The following PDZD9 variants were observed in gnomAD, a reference collection of about 807,000 sequenced individuals.
The protein encoded by PDZD9 is PDZ domain-containing protein 9.
A neutral mutation model predicts 16.3 loss-of-function variants in PDZD9; 13 were observed. The observed-to-expected ratio is 0.80, with a 90% CI of 0.52 to 1.27. The LOEUF is 1.27. Ranked by LOEUF, PDZD9 falls within the 50% of genes most tolerant of loss-of-function variation. The pLI is 0.00. For synonymous variants in PDZD9, 120 were observed against 111.0 expected, an observed-to-expected ratio of 1.08 and a Z score of -0.51; for missense variants, 288 against 310.9, an observed-to-expected ratio of 0.93 and a Z score of 0.55.
At chr16:21,976,921 T>C in the PDZD9 span, 1 of 152,260 alleles carries the variant, frequency 6.6e-6, no homozygotes, top group African/African-American at 2.4e-5. Flanking sequence ...GTGCATTTTC[T>C]GCAGTTATAA....
In PDZD9 at chr16:21,984,152, G is replaced by T; in HGVS notation, c.*115C>A. On this transcript the variant is annotated 3_prime_UTR_variant, in exon 4 of 4. Transcript: ENST00000424898. The stretch of plus-strand genomic sequence containing the variant: ...TAAAGGCTTTATAACGCAGTCATAA[G>T]AGAAGAGAATTGGTGAGTCTACAGA... 8.6e-7 allele frequency: 1 copy of T among 1,161,598 alleles called. No individual in the cohort carries two copies. The highest frequency in any genetic ancestry group is 1.2e-6 in the Non-Finnish European group (1 of 826,866). 72.0% of individuals were successfully genotyped at this position (1,161,598 alleles called of 1,614,324 possible).
chr16:21,968,858 G>A, the PDZD9 span, among the ~76,000 whole-genome samples: 1 of 152,168 alleles, frequency 6.6e-6, no homozygotes, highest in African/African-American at 2.4e-5. Context: ...TTGGAAAGCA[G>A]AATCCAACAT....
downstream of PDZD9, among the ~76,000 whole-genome samples, chr16:21,979,897 T>A (rs1898674579): frequency 6.6e-6 from 1 of 152,198 alleles, no homozygotes. Context: ...TACATGACTA[T>A]ACCTTGAATT....
chr16:21,992,389 T>C (rs983348244), intron 2 of PDZD9, among the ~76,000 whole-genome samples: 2 of 152,200 alleles, frequency 1.3e-5, no homozygotes, highest in Admixed American at 6.5e-5. Flanking sequence ...TATTGTCAAC[T>C]TGATCGGTTC....
intron 1 of PDZD9, 90 bp downstream of exon 1, chr16:22,000,927 A>G (rs773444817): frequency 4.7e-5 from 64 of 1,348,698 alleles, no homozygotes; most frequent in Non-Finnish European, 5.9e-5. Flanking sequence ...TCCCAGGCCA[A>G]GAGTGCACCG....
the PDZD9 span, among the ~76,000 whole-genome samples, chr16:21,968,910 T>C: frequency 1.3e-5 from 2 of 152,224 alleles, no homozygotes; most frequent in Admixed American, 1.3e-4. Context: ...TTACAGTATT[T>C]GTAAAACCTG....
At chr16:21,986,486 G>A (rs1165088043) in intron 3 of PDZD9, among the ~76,000 whole-genome samples, 3 of 152,148 alleles carry the variant, frequency 2.0e-5, no homozygotes, top group Admixed American at 6.5e-5. Flanking sequence ...TTTTAGAGTC[G>A]TGCCCTCCAG....
Position 21,984,524 on chromosome 16 carries a change from T to C in PDZD9, c.538A>G (p.Ile180Val), listed in dbSNP as rs371838205. 35 of 1,607,740 alleles carry C rather than the reference T, an allele frequency of 2.2e-5. No individual in the cohort carries two copies. The African/African-American group carries it at 3.6e-4, about 17-fold the overall frequency. ...CCATGCCAGTCTCTGGAGATGGATA[T>C]TGGTCTCCTTGCAGGGTGATGCACA... ...STVHHPARRP[I>V]SISRDWHGYK... Residue 180 changes from isoleucine (I) to valine (V), a missense_variant, in exon 4 of 4, where the codon ATA becomes GTA. Ile to Val is a conservative substitution (Grantham distance 29, BLOSUM62 3). Transcript: ENST00000424898.
At chr16:22,000,948 A>G in intron 1 of PDZD9, 69 bp downstream of exon 1, 1 of 1,482,872 alleles carries the variant, frequency 6.7e-7, no homozygotes. Flanking sequence ...TTGCCATTTT[A>G]CAGAGGAGGA....
downstream of PDZD9, among the ~76,000 whole-genome samples, chr16:21,980,978 G>A (rs1484569718): frequency 6.6e-6 from 1 of 152,088 alleles, no homozygotes; most frequent in Non-Finnish European, 1.5e-5. Context: ...AGTCAAAAGT[G>A]CATTTAATAC....
At chr16:21,971,798 T>TG in the PDZD9 span, 1 of 1,403,670 alleles carries the variant, frequency 7.1e-7, no homozygotes, top group Non-Finnish European at 9.9e-7. Context: ...CAGGATGGCA[T>TG]GGGGAAAGCA....
chr16:21,996,288 G>A, intron 2 of PDZD9, 34 bp downstream of exon 2: 1 of 1,519,638 alleles, frequency 6.6e-7, no homozygotes, highest in Non-Finnish European at 8.8e-7. Flanking sequence ...TGGGCAGGAT[G>A]GGTGGTTGGG....
intron 3 of PDZD9, among the ~76,000 whole-genome samples, chr16:21,986,124 C>T (rs981093472): frequency 6.6e-6 from 1 of 152,090 alleles, no homozygotes; most frequent in Admixed American, 6.5e-5. Context: ...CTACCCAGAG[C>T]GTTACATGGA....
downstream of PDZD9, among the ~76,000 whole-genome samples, chr16:21,979,137 C>T (rs1456337889): frequency 6.6e-6 from 1 of 152,130 alleles, no homozygotes. Flanking sequence ...AACACTGTGA[C>T]CCCAGCTGTG....
chr16:21,988,930 T>C, intron 2 of PDZD9, 139 bp from the exon 3 acceptor site: 2 of 244,754 alleles, frequency 8.2e-6, no homozygotes, highest in Non-Finnish European at 1.4e-5. Flanking sequence ...GCTTCAGCCT[T>C]TTTTTTTTTT....
the PDZD9 span, among the ~76,000 whole-genome samples, chr16:21,959,075 C>CT: frequency 6.6e-6 from 1 of 152,182 alleles, no homozygotes; most frequent in Non-Finnish European, 1.5e-5. Context: ...GGTGGAGGGT[C>CT]TTGCCTCCAC....
the PDZD9 span, among the ~76,000 whole-genome samples, chr16:21,978,043 A>G: frequency 6.6e-6 from 1 of 152,168 alleles, no homozygotes; most frequent in Non-Finnish European, 1.5e-5. Flanking sequence ...ATTTAAGAAA[A>G]CGTATTTTCT....
the PDZD9 span, among the ~76,000 whole-genome samples, chr16:21,975,887 C>T: frequency 6.6e-6 from 1 of 152,102 alleles, no homozygotes; most frequent in Non-Finnish European, 1.5e-5. Context: ...GCCCACACAT[C>T]TCTACAAAAA....
At chr16:21,961,660 A>G in the PDZD9 span, among the ~76,000 whole-genome samples, 1 of 95,204 alleles carries the variant, frequency 1.1e-5, no homozygotes, top group East Asian at 2.5e-4. Flanking sequence ...ATATATATAT[A>G]TATATATATT....
Sources: gnomAD v4.1 joint callset for allele counts (sites outside exome capture counted in the v4.1 genomes callset) on GRCh38, gnomAD v4.1.1 for gene constraint, MANE v1.5 for transcripts, NCBI Gene and HGNC (gene_info 2026-07-23, HGNC 2026-07-21) for gene names.